AFDN: variants seen among roughly 807,000 people sequenced by gnomAD.
AFDN encodes the protein afadin, adherens junction formation factor, also known as afadin.
Under a neutral mutation model 216.6 loss-of-function variants are expected in AFDN, and 68 were observed. The observed-to-expected ratio is 0.31, with a 90% CI of 0.26 to 0.38. The LOEUF is 0.38. AFDN is among the 10% of genes least tolerant of loss of function. AFDN has a pLI of 1.00. For missense variants in AFDN, 2,136 were observed against 2,342.0 expected, an observed-to-expected ratio of 0.91 and a Z score of 1.82; for synonymous variants, 868 against 853.7, an observed-to-expected ratio of 1.02 and a Z score of -0.29.
In AFDN at chr6:167,890,869, A is replaced by T; in HGVS notation, c.1017A>T (p.Leu339Phe). The T allele has an allele frequency of 6.2e-7, 1 of 1,613,170 alleles. No individual in the cohort carries two copies. The highest frequency in any genetic ancestry group is 8.5e-7 in the Non-Finnish European group (1 of 1,179,574). The change falls in exon 8 of 34, where the codon TTA (leucine) becomes TTT (phenylalanine). Residue 339 changes from leucine to phenylalanine, a missense_variant. By Grantham distance (22) the Leu-to-Phe change is conservative (BLOSUM62 0). Coordinates refer to ENST00000683244, the MANE Select transcript of AFDN (RefSeq NM_001386888.1). ...FREWPSDKGI[L>F]VFQLKRRPPD... ...CCCATGCTGCTGTTCTAGGGATTTT[A>T]GTCTTTCAGTTGAAGAGGAGGCCAC...
intron 26 of AFDN, among the ~76,000 whole-genome samples, chr6:167,946,067 A>C (rs1246770490): frequency 1.3e-5 from 2 of 152,048 alleles, no homozygotes; most frequent in Non-Finnish European, 2.9e-5. Flanking sequence ...AACACACACC[A>C]CCCAAGGGGC....
intron 1 of AFDN, among the ~76,000 whole-genome samples, chr6:167,831,751 A>T (rs1163107061): frequency 6.6e-6 from 1 of 152,228 alleles, no homozygotes; most frequent in African/African-American, 2.4e-5. Context: ...GAGAAGCTTA[A>T]GAAACGTTTA....
At chr6:167,910,843 C>A (rs1790290713) in intron 13 of AFDN, among the ~76,000 whole-genome samples, 1 of 152,150 alleles carries the variant, frequency 6.6e-6, no homozygotes, top group African/African-American at 2.4e-5. Flanking sequence ...CATTAATAAT[C>A]CAGAATCACG....
intron 5 of AFDN, among the ~76,000 whole-genome samples, chr6:167,879,800 T>C (rs1391275361): frequency 6.6e-6 from 1 of 152,244 alleles, no homozygotes; most frequent in Admixed American, 6.5e-5. Context: ...CTCTGCTCTG[T>C]TGGCAAATCT....
chr6:167,935,000 G>A (rs1793805674), intron 23 of AFDN, among the ~76,000 whole-genome samples: 2 of 152,174 alleles, frequency 1.3e-5, no homozygotes, highest in Non-Finnish European at 2.9e-5. Context: ...AAAGTTGAAT[G>A]TATGGCAGCT....
intron 30 of AFDN, among the ~76,000 whole-genome samples, chr6:167,959,111 T>G (rs1244152536): frequency 6.6e-6 from 1 of 152,278 alleles, no homozygotes; most frequent in Non-Finnish European, 1.5e-5. Context: ...TGTAGGCCTC[T>G]TTGAGCCACA....
At chr6:167,856,191 G>C (rs548888750) in intron 1 of AFDN, among the ~76,000 whole-genome samples, 57 of 152,196 alleles carry the variant, frequency 3.7e-4, no homozygotes, top group African/African-American at 1.4e-3. Context: ...TTTTACTTAA[G>C]GGCCACAAAA....
intron 6 of AFDN, among the ~76,000 whole-genome samples, chr6:167,882,663 A>T (rs910263916): frequency 6.6e-6 from 1 of 152,138 alleles, no homozygotes; most frequent in Non-Finnish European, 1.5e-5. Flanking sequence ...ACAAACAAAA[A>T]AGAAAACCAA....
chr6:167,831,432 C>G (rs149448751), intron 1 of AFDN, among the ~76,000 whole-genome samples: 2,397 of 152,128 alleles, frequency 0.016, 67 homozygotes, highest in African/African-American at 0.054. Flanking sequence ...TAACTGGTTA[C>G]GTTTTATGTT....
At chr6:167,907,749 G>A (rs1444177363) in intron 13 of AFDN, among the ~76,000 whole-genome samples, 1 of 151,890 alleles carries the variant, frequency 6.6e-6, no homozygotes, top group Non-Finnish European at 1.5e-5. Context: ...CTAATGTGAT[G>A]TGTCTCCCTG....
intron 4 of AFDN, 46 bp downstream of exon 4, chr6:167,872,423 A>G: frequency 2.6e-6 from 4 of 1,564,070 alleles, no homozygotes; most frequent in East Asian, 2.2e-5. Context: ...GCTCCAAATC[A>G]GATGTTTTTG....
chr6:167,943,168 G>T lies in AFDN; in HGVS notation c.3139G>T (p.Val1047Phe). 6.2e-7 allele frequency: 1 copy of T among 1,613,994 alleles called. No individual in the cohort carries two copies. Among genetic ancestry groups the T allele is most frequent in the Non-Finnish European group, 8.5e-7 (1 of 1,179,938 alleles). Reference protein sequence around the residue: ...QDKLGIYVKSVVKGGAADVDG... With the variant: ...QDKLGIYVKSFVKGGAADVDG... Reference sequence around the variant, plus strand: ...TAAACTAGGAATCTATGTGAAGTCGGTTGTGAAAGGAGGTGCTGCAGATGT... The same window carrying T: ...TAAACTAGGAATCTATGTGAAGTCGTTTGTGAAAGGAGGTGCTGCAGATGT... The change falls in exon 24 of 34, where the codon GTT becomes TTT. Residue 1047 changes from valine to phenylalanine, a missense_variant. Transcript: ENST00000683244.
chr6:167,913,511 C>G (rs1790672338), intron 16 of AFDN, 88 bp downstream of exon 16: 1 of 1,231,340 alleles, frequency 8.1e-7, no homozygotes, highest in East Asian at 2.5e-5. Context: ...AATACAACAG[C>G]TGGACTGAAC....
intron 1 of AFDN, among the ~76,000 whole-genome samples, chr6:167,841,932 AC>A (rs774768157): frequency 1.3e-5 from 2 of 149,818 alleles, no homozygotes; most frequent in Non-Finnish European, 3.0e-5. Flanking sequence ...CTTTCTTCTT[AC>A]CTCCCATTCA....
Position 167,951,135 on chromosome 6 carries a change from G to T in AFDN, c.3832-51G>T. ...GAAGATAAAATGTTTGTGGATATTT[G>T]GTAATTTCTAGTAAATGGCTGAAAT... On this transcript the variant is annotated intron_variant, in intron 29 of 33. Transcript: ENST00000683244. This position sits in a 1 kb window ranked among gnomAD's most constrained non-coding sequence, Gnocchi z 7.1. 6.7e-7 allele frequency: 1 copy of T among 1,502,938 alleles called. No individual in the cohort carries two copies. The highest frequency in any genetic ancestry group is 1.4e-5 in the South Asian group (1 of 71,892). The allele number at this position is 1,502,938 out of a possible 1,614,324, so 93.1% of individuals were successfully genotyped here.
chr6:167,966,070 G>T (rs752892439), intron 32 of AFDN, 25 bp downstream of exon 32: 7 of 1,539,776 alleles, frequency 4.5e-6, no homozygotes, highest in African/African-American at 2.7e-5. Context: ...TCCAGCACAA[G>T]AAAGTCTCAT....
intron 26 of AFDN, 66 bp downstream of exon 26, chr6:167,944,125 C>G (rs1048094166): frequency 8.0e-7 from 1 of 1,253,998 alleles, no homozygotes; most frequent in Non-Finnish European, 1.2e-6. Flanking sequence ...CACAAAACCC[C>G]CATGGAGGAG....
chr6:167,852,359 G>C (rs545663587), intron 1 of AFDN, among the ~76,000 whole-genome samples: 2 of 152,236 alleles, frequency 1.3e-5, no homozygotes, highest in South Asian at 4.1e-4. Context: ...TTTTTCTGTA[G>C]AACATCTCTG....
In AFDN at chr6:167,937,377, G is replaced by C. The variant is rs1314759961; in HGVS notation, c.3100-5752G>C. Among the ~76,000 whole-genome samples, 3 of 152,054 alleles carry C rather than the reference G, an allele frequency of 2.0e-5. No homozygotes were observed. The East Asian group carries it at 5.8e-4, about 29-fold the overall frequency. On this transcript the variant is annotated intron_variant, in intron 23 of 33. Coordinates refer to ENST00000683244, the MANE Select transcript of AFDN (RefSeq NM_001386888.1). Reference sequence around the variant, plus strand: ...GAATAGACCTTTTAGATTTTAATGGGTGTTTTGAATTGAGGTCTCTAATAA... The same window carrying C: ...GAATAGACCTTTTAGATTTTAATGGCTGTTTTGAATTGAGGTCTCTAATAA...
Sources: gnomAD v4.1 joint callset for allele counts (sites outside exome capture counted in the v4.1 genomes callset) on GRCh38, gnomAD v4.1.1 for gene constraint, Gnocchi (gnomAD v3.1) non-coding constraint, MANE v1.5 for transcripts, NCBI Gene and HGNC (gene_info 2026-07-23, HGNC 2026-07-21) for gene names.